Variants in SOX5 observed in about 807,000 individuals in gnomAD.
The protein encoded by SOX5 is transcription factor SOX-5.
Under a neutral mutation model 92.0 loss-of-function variants are expected in SOX5, and 9 were observed. That is an observed-to-expected ratio of 0.10 (90% CI 0.06 to 0.17). The LOEUF (loss-of-function observed/expected upper bound fraction) is 0.17, where lower values mean the gene tolerates loss of function less well. SOX5 is among the 10% of genes least tolerant of loss of function. The probability of loss-of-function intolerance (pLI) is 1.00; values close to 1 mark genes in which losing one functional copy is unlikely to be tolerated. For missense variants in SOX5, 642 were observed against 944.5 expected (o/e 0.68, Z 4.20); for synonymous variants, 344 against 336.3 (o/e 1.02, Z -0.25).
At chr12:24,165,719 A>G (rs920742945) in intron 4 of SOX5, among the ~76,000 whole-genome samples, 3 of 152,154 alleles carry the variant, frequency 2.0e-5, no homozygotes, top group African/African-American at 7.2e-5. Context: ...ATATGGCTGG[A>G]GTTTGGCAGA....
chr12:24,232,663 T>G (rs550503724), intron 3 of SOX5, among the ~76,000 whole-genome samples: 1 of 152,170 alleles, frequency 6.6e-6, no homozygotes, highest in African/African-American at 2.4e-5. Context: ...ATAATTCTAT[T>G]GGTTAGATAT....
intron 4 of SOX5, among the ~76,000 whole-genome samples, chr12:24,093,472 A>G (rs545711291): frequency 6.6e-6 from 1 of 151,680 alleles, no homozygotes; most frequent in African/African-American, 2.4e-5. Flanking sequence ...GCAGTGAGCC[A>G]AGATCGCGCC....
In SOX5 at chr12:23,530,837, A is replaced by ATGTG. The variant is rs1555115200; in HGVS notation, c.*3378_*3381dup. 1.4e-4 allele frequency: 3 copies of ATGTG among 20,890 alleles called. No individual in the cohort carries two copies. The highest frequency in any genetic ancestry group is 3.2e-4 in the Non-Finnish European group (2 of 6,188). 1.3% of individuals were successfully genotyped at this position (20,890 alleles called of 1,614,324 possible). A position where few individuals can be genotyped will look rare whatever the true frequency, so the allele number is the denominator to read the frequency against. ...TGTGTGTGCGCGCGCGCGCGCGCGCATGTGAGAGAGAGAGAGAAAGGGAAA... is the reference window on the plus strand; with the variant it reads ...TGTGTGTGCGCGCGCGCGCGCGCGCATGTGTGTGAGAGAGAGAGAGAAAGGGAAA... On this transcript the variant is annotated 3_prime_UTR_variant, in exon 15 of 15. Transcript: ENST00000451604.
chr12:24,186,771 C>CT (rs1382496938), intron 4 of SOX5, among the ~76,000 whole-genome samples: 2 of 151,826 alleles, frequency 1.3e-5, no homozygotes, highest in East Asian at 3.9e-4. Flanking sequence ...ACAAATTTAC[C>CT]TTTTTTAAAA....
At chr12:24,391,405 C>T (rs1259606402) in intron 1 of SOX5, among the ~76,000 whole-genome samples, 1 of 152,114 alleles carries the variant, frequency 6.6e-6, no homozygotes, top group Admixed American at 6.6e-5. Context: ...TAGGTACATG[C>T]TTTCCAAAGA....
intron 2 of SOX5, among the ~76,000 whole-genome samples, chr12:24,334,380 A>C (rs900557125): frequency 6.6e-5 from 10 of 152,136 alleles, no homozygotes; most frequent in African/African-American, 1.7e-4. Context: ...TATATCCCCC[A>C]AAAAATAAAC....
At chr12:24,076,080 G>A (rs1052953839) in intron 4 of SOX5, among the ~76,000 whole-genome samples, 3 of 152,190 alleles carry the variant, frequency 2.0e-5, no homozygotes, top group African/African-American at 7.2e-5. Context: ...TGTAGAATGA[G>A]AGAGTGTTTT....
chr12:24,258,993 T>C (rs1196419639), intron 3 of SOX5, among the ~76,000 whole-genome samples: 1 of 152,208 alleles, frequency 6.6e-6, no homozygotes, highest in Non-Finnish European at 1.5e-5. Flanking sequence ...CTCTCCAGGA[T>C]GGAAGACACT....
intron 4 of SOX5, among the ~76,000 whole-genome samples, chr12:23,969,931 G>A (rs1409238828): frequency 6.6e-6 from 1 of 152,150 alleles, no homozygotes; most frequent in African/African-American, 2.4e-5. Context: ...GGACGCAAGT[G>A]TGCCGGCAAA....
At chr12:23,932,057 CA>C (rs113838914) in intron 1 of SOX5, among the ~76,000 whole-genome samples, 63 of 139,956 alleles carry the variant, frequency 4.5e-4, no homozygotes, top group Non-Finnish European at 4.4e-4. Flanking sequence ...AAATCTAAGC[CA>C]AAAAAAAAAA....
chr12:23,775,795 A>C (rs1567664727), intron 3 of SOX5, among the ~76,000 whole-genome samples: 1 of 152,054 alleles, frequency 6.6e-6, no homozygotes, highest in South Asian at 2.1e-4. Context: ...TTGTCCAAAA[A>C]CCTCACCTGA....
At chr12:24,079,775 T>C (rs994268124) in intron 4 of SOX5, among the ~76,000 whole-genome samples, 1 of 151,936 alleles carries the variant, frequency 6.6e-6, no homozygotes, top group Non-Finnish European at 1.5e-5. Flanking sequence ...TGTTATAGCA[T>C]GATTGAGCTG....
At chr12:24,222,752 T>C (rs191339454) in intron 3 of SOX5, among the ~76,000 whole-genome samples, 4 of 152,306 alleles carry the variant, frequency 2.6e-5, no homozygotes, top group African/African-American at 4.8e-5. Context: ...ATATATTAGC[T>C]CTTCCAAGCA....
chr12:24,339,969 GGCAGGGT>G (rs1195130258), intron 2 of SOX5, among the ~76,000 whole-genome samples: 1 of 152,182 alleles, frequency 6.6e-6, no homozygotes, highest in African/African-American at 2.4e-5. Context: ...GAGGGCATGG[GGCAGGGT>G]GCTAGCATGC....
chr12:23,765,067 A>T (rs1567582065), intron 3 of SOX5, among the ~76,000 whole-genome samples: 7 of 152,106 alleles, frequency 4.6e-5, no homozygotes, highest in South Asian at 4.1e-4. Context: ...GTTCTAATAC[A>T]TAGAATCAGA....
chr12:24,331,756 G>A (rs973406102), intron 2 of SOX5, among the ~76,000 whole-genome samples: 3 of 143,392 alleles, frequency 2.1e-5, no homozygotes, highest in Admixed American at 7.4e-5. Context: ...GCTGAGGCAC[G>A]AGAATCCCTT....
intron 1 of SOX5, among the ~76,000 whole-genome samples, chr12:24,371,641 C>G (rs952897259): frequency 3.3e-5 from 5 of 152,184 alleles, no homozygotes; most frequent in African/African-American, 1.2e-4. Flanking sequence ...ACTGACAATT[C>G]TTGTACCCAC....
At chr12:24,128,590 T>A (rs1375043820) in intron 4 of SOX5, among the ~76,000 whole-genome samples, 1 of 151,912 alleles carries the variant, frequency 6.6e-6, no homozygotes, top group Non-Finnish European at 1.5e-5. Context: ...AAGGGGGCGG[T>A]TCTACACAGT....
intron 2 of SOX5, among the ~76,000 whole-genome samples, chr12:24,352,593 T>A (rs1954224896): frequency 6.6e-6 from 1 of 152,206 alleles, no homozygotes; most frequent in African/African-American, 2.4e-5. Flanking sequence ...CAAAAGTTAT[T>A]TTACTCAGGC....
Sources: allele counts gnomAD v4.1 joint callset (sites outside exome capture counted in the v4.1 genomes callset), GRCh38; gene constraint gnomAD v4.1.1; transcripts MANE v1.5; gene names NCBI Gene and HGNC (gene_info 2026-07-23, HGNC 2026-07-21).